DLGAP1: variants seen among roughly 807,000 people sequenced by gnomAD.
DLGAP1 encodes the protein DLG associated protein 1.
DLGAP1 carries 11 observed loss-of-function variants against 90.8 expected under a neutral mutation model. That is an observed-to-expected ratio of 0.12 (90% confidence interval 0.08 to 0.20). The LOEUF (loss-of-function observed/expected upper bound fraction) is 0.20, where lower values mean the gene tolerates loss of function less well. Ranked by LOEUF, DLGAP1 falls within the 10% of genes least tolerant of loss-of-function variation. DLGAP1 has a pLI of 1.00. For synonymous variants in DLGAP1, 558 were observed against 540.7 expected (o/e 1.03, Z -0.44); for missense variants, 1,050 against 1,333.8 (o/e 0.79, Z 3.31).
intron 12 of DLGAP1, chr18:3,502,125 AG>A: frequency 9.4e-7 from 1 of 1,062,032 alleles, no homozygotes; most frequent in Non-Finnish European, 1.1e-6. Context: ...TAGGGGTGTA[AG>A]GAAGTTGAAC....
intron 1 of DLGAP1, among the ~76,000 whole-genome samples, chr18:4,296,988 G>A (rs879010206): frequency 6.6e-6 from 1 of 152,164 alleles, no homozygotes; most frequent in Admixed American, 6.5e-5. Context: ...AATGGCACTT[G>A]AACCTGACCG....
At chr18:4,294,546 G>A (rs1476591756) in intron 1 of DLGAP1, 1 of 152,380 alleles carries the variant, frequency 6.6e-6, no homozygotes, top group African/African-American at 2.4e-5. Context: ...AGGAACCAGA[G>A]CGAGAGCTTT....
At chr18:4,340,814 T>C (rs2081172687) in intron 1 of DLGAP1, among the ~76,000 whole-genome samples, 1 of 152,172 alleles carries the variant, frequency 6.6e-6, no homozygotes, top group Non-Finnish European at 1.5e-5. Context: ...CAATCATCCC[T>C]GCTTCAACAT....
chr18:4,124,733 A>C (rs901774647), intron 2 of DLGAP1, among the ~76,000 whole-genome samples: 1 of 152,222 alleles, frequency 6.6e-6, no homozygotes, highest in African/African-American at 2.4e-5. Context: ...TTTTCCTATT[A>C]AGGAGGAAGG....
At chr18:4,159,925 C>A (rs1339709983) in intron 1 of DLGAP1, among the ~76,000 whole-genome samples, 1 of 152,122 alleles carries the variant, frequency 6.6e-6, no homozygotes, top group African/African-American at 2.4e-5. Flanking sequence ...AGGAATTTGG[C>A]TAAAGGACTC....
chr18:4,013,253 A>C (rs193267119), intron 2 of DLGAP1, among the ~76,000 whole-genome samples: 168 of 152,278 alleles, frequency 1.1e-3, no homozygotes, highest in Middle Eastern at 3.4e-3. Flanking sequence ...TTACATACGC[A>C]ATCATTTAAT....
chr18:3,879,769 G>A lies in DLGAP1; in HGVS notation c.300C>T (p.Pro100=). The A allele has an allele frequency of 6.8e-6, 11 of 1,607,798 alleles. No homozygotes were observed. Among genetic ancestry groups the A allele is most frequent in the Non-Finnish European group, 9.3e-6 (11 of 1,179,908 alleles). The part of the protein sequence containing the change: ...RTLATKANRI[P]ANLLDQFERQ... ...GCTCGAACTGGTCCAGCAGGTTGGC[G>A]GGGATGCGGTTCGCCTTGGTGGCCA... Residue 100 remains proline (P), a synonymous_variant, in exon 4 of 13, where the codon CCC becomes CCT. Transcript: ENST00000315677. This position sits in a 1 kb window ranked among gnomAD's most constrained non-coding sequence, Gnocchi z 6.6.
chr18:3,648,911 A>G (rs2059207422), intron 7 of DLGAP1, among the ~76,000 whole-genome samples: 1 of 152,194 alleles, frequency 6.6e-6, no homozygotes, highest in African/African-American at 2.4e-5. Context: ...AGGGTAGGTT[A>G]TGGTGCTTGG....
rs373511037 is a variant in DLGAP1, at chr18:3,620,760, G to A, written c.1592-38512C>T. ...TTTAGTACAGACGGGGTTTCACCAC[G>A]TTGGCCAGGCTGGTCTTGGACTCCT... On this transcript the variant is annotated intron_variant, in intron 7 of 12. Coordinates refer to ENST00000315677, the MANE Select transcript of DLGAP1 (RefSeq NM_004746.4). Among the ~76,000 whole-genome samples, 422 of 152,170 alleles carry A rather than the reference G, an allele frequency of 2.8e-3. 6 individuals carry two copies. Among genetic ancestry groups the A allele is most frequent in the African/African-American group, 9.5e-3 (395 of 41,516 alleles).
At chr18:4,321,221 A>G (rs1180146804) in intron 1 of DLGAP1, among the ~76,000 whole-genome samples, 1 of 152,232 alleles carries the variant, frequency 6.6e-6, no homozygotes, top group Non-Finnish European at 1.5e-5. Flanking sequence ...GATTAATGCT[A>G]ACATAAAATG....
chr18:4,322,970 G>GAAAAAAAAAAAAAAAAAAAA (rs1398796779), intron 1 of DLGAP1, among the ~76,000 whole-genome samples: 2 of 130,048 alleles, frequency 1.5e-5, no homozygotes, highest in African/African-American at 3.0e-5. Flanking sequence ...AAAAAAAAAG[G>GAAAAAAAAAAAAAAAAAAAA]AAAAAGCTAC....
At chr18:4,181,140 T>C (rs2077201594) in intron 1 of DLGAP1, among the ~76,000 whole-genome samples, 1 of 152,134 alleles carries the variant, frequency 6.6e-6, no homozygotes, top group Non-Finnish European at 1.5e-5. Flanking sequence ...TAAAATAGAG[T>C]CCTTTGATCA....
At chr18:4,102,151 A>T (rs549686059) in intron 2 of DLGAP1, among the ~76,000 whole-genome samples, 1 of 152,304 alleles carries the variant, frequency 6.6e-6, no homozygotes, top group Non-Finnish European at 1.5e-5. Flanking sequence ...CCCAAAATAG[A>T]TGTTCAACTT....
intron 12 of DLGAP1, among the ~76,000 whole-genome samples, chr18:3,500,641 T>C (rs1360907585): frequency 6.6e-6 from 1 of 152,166 alleles, no homozygotes; most frequent in Non-Finnish European, 1.5e-5. Flanking sequence ...CCAACTCTGA[T>C]TGTGCTTGTT....
chr18:3,805,040 T>C (rs2066499179), intron 5 of DLGAP1, among the ~76,000 whole-genome samples: 1 of 152,236 alleles, frequency 6.6e-6, no homozygotes, highest in Admixed American at 6.5e-5. Flanking sequence ...AGTTCTGTTG[T>C]ACTGGGAATC....
At chr18:4,357,310 C>T (rs151165696) in intron 1 of DLGAP1, among the ~76,000 whole-genome samples, 2,131 of 151,808 alleles carry the variant, frequency 0.014, 53 homozygotes, top group African/African-American at 0.048. Flanking sequence ...TGTGCCACCA[C>T]GCCTGGCTAA....
chr18:3,890,073 T>G lies in DLGAP1; in HGVS notation c.-72-9933A>C, dbSNP rs192062914. On this transcript the variant is annotated intron_variant, in intron 3 of 12. Coordinates refer to ENST00000315677, the MANE Select transcript of DLGAP1 (RefSeq NM_004746.4). ...GCCCACAAAAGCTTACTCATCCAAGTAAAGGGGACCCTCCTGCCCAGTGGG... is the reference window on the plus strand; with the variant it reads ...GCCCACAAAAGCTTACTCATCCAAGGAAAGGGGACCCTCCTGCCCAGTGGG... Among the ~76,000 whole-genome samples the G allele has an allele frequency of 1.8e-4, 27 of 152,228 alleles. 1 individual carries two copies. The highest frequency in any genetic ancestry group is 1.3e-3 in the Admixed American group (20 of 15,282).
At chr18:3,663,631 G>A (rs11663827) in intron 7 of DLGAP1, among the ~76,000 whole-genome samples, 33,233 of 152,122 alleles carry the variant, frequency 0.22, 3,775 homozygotes, top group African/African-American at 0.23. Flanking sequence ...TCTTGAAGCC[G>A]CAAGGCTGGA....
chr18:3,940,130 G>A (rs2072736652), intron 3 of DLGAP1, among the ~76,000 whole-genome samples: 1 of 152,218 alleles, frequency 6.6e-6, no homozygotes, highest in South Asian at 2.1e-4. Flanking sequence ...CAGCCATGTT[G>A]TAAGGAAACT....
Sources: gnomAD v4.1 joint callset for allele counts (sites outside exome capture counted in the v4.1 genomes callset) on GRCh38, gnomAD v4.1.1 for gene constraint, Gnocchi (gnomAD v3.1) non-coding constraint, MANE v1.5 for transcripts, NCBI Gene and HGNC (gene_info 2026-07-23, HGNC 2026-07-21) for gene names.